PTH2R: variants seen among roughly 807,000 people sequenced by gnomAD.
PTH2R encodes parathyroid hormone 2 receptor.
Under a neutral mutation model 60.3 loss-of-function variants are expected in PTH2R, and 59 were observed. That is an observed-to-expected ratio of 0.98 (90% CI 0.79 to 1.22). PTH2R has a LOEUF of 1.22. Ranked by LOEUF, PTH2R falls within the 50% of genes most tolerant of loss-of-function variation. The probability of loss-of-function intolerance (pLI) is 0.00; values close to 1 mark genes in which losing one functional copy is unlikely to be tolerated. For synonymous variants in PTH2R, 256 were observed against 243.8 expected (o/e 1.05, Z -0.47); for missense variants, 749 against 682.6 (o/e 1.10, Z -1.08).
intron 8 of PTH2R, among the ~76,000 whole-genome samples, chr2:208,453,676 G>A (rs185224306): frequency 8.5e-5 from 13 of 152,128 alleles, no homozygotes; most frequent in African/African-American, 3.1e-4. Flanking sequence ...TTGAGTTAAT[G>A]CAAGTTGTGA....
chr2:208,368,504 C>A (rs922318647), intron 1 of PTH2R, among the ~76,000 whole-genome samples: 3 of 152,178 alleles, frequency 2.0e-5, no homozygotes, highest in Admixed American at 1.3e-4. Flanking sequence ...CTCAACTAAC[C>A]CTTAACTGTT....
At chr2:208,485,020 T>G (rs1245259604) in intron 10 of PTH2R, among the ~76,000 whole-genome samples, 1 of 152,126 alleles carries the variant, frequency 6.6e-6, no homozygotes. Context: ...ATAGATACTA[T>G]GATTGATTTA....
chr2:208,437,535 A>G lies in PTH2R; in HGVS notation c.179-2A>G. 1.3e-6 allele frequency: 2 copies of G among 1,588,688 alleles called. No homozygotes were observed. Among genetic ancestry groups the G allele is most frequent in the Non-Finnish European group, 1.7e-6 (2 of 1,169,552 alleles). ...TTTGCTTTAATTTTTTTTTCTCATTAGAAGGTAATTGTTTCCCTGAATGGG... is the reference window on the plus strand; with the variant it reads ...TTTGCTTTAATTTTTTTTTCTCATTGGAAGGTAATTGTTTCCCTGAATGGG... On this transcript the variant is annotated splice_acceptor_variant, in intron 2 of 12. Coordinates refer to ENST00000272847, the MANE Select transcript of PTH2R (RefSeq NM_005048.4). LOFTEE classifies it high-confidence loss of function.
chr2:208,444,495 A>AT (rs560306992), intron 6 of PTH2R, among the ~76,000 whole-genome samples: 29 of 152,248 alleles, frequency 1.9e-4, no homozygotes, highest in Non-Finnish European at 3.2e-4. Flanking sequence ...AGAAAAGGTG[A>AT]TTTTTTTGGT....
intron 1 of PTH2R, among the ~76,000 whole-genome samples, chr2:208,410,960 G>A (rs1701528860): frequency 6.6e-6 from 1 of 152,172 alleles, no homozygotes; most frequent in African/African-American, 2.4e-5. Flanking sequence ...TTAAGAATGA[G>A]GACAGCCGGG....
rs114910795 is a variant in PTH2R at position 208,475,438 on chromosome 2, C to A, written c.982-5632C>A. Among the ~76,000 whole-genome samples, 1,474 of 152,010 alleles carry A rather than the reference C, an allele frequency of 9.7e-3. 15 individuals are homozygous for A. The highest frequency in any genetic ancestry group is 0.014 in the Non-Finnish European group (976 of 67,946). On this transcript the variant is annotated intron_variant, in intron 9 of 12. Coordinates refer to ENST00000272847, the MANE Select transcript of PTH2R (RefSeq NM_005048.4). The stretch of plus-strand genomic sequence containing the variant: ...TAAAAAAACAAACACACCATAAAAC[C>A]TATTAGGGAATTAGGGTCTGGCACT...
At chr2:208,485,381 T>G (rs2105908870) in intron 10 of PTH2R, among the ~76,000 whole-genome samples, 1 of 152,270 alleles carries the variant, frequency 6.6e-6, no homozygotes, top group Middle Eastern at 3.4e-3. Context: ...TATCAGTTGG[T>G]ACATCCCTGA....
intron 11 of PTH2R, 47 bp from the exon 12 acceptor site, chr2:208,490,592 G>C (rs1333643812): frequency 3.8e-6 from 6 of 1,584,854 alleles, no homozygotes; most frequent in Non-Finnish European, 4.3e-6. Context: ...CTTAAGTGCT[G>C]TGAGTTTCTG....
At chr2:208,377,567 GACGGGGCGGC>G (rs1438210962) in intron 1 of PTH2R, among the ~76,000 whole-genome samples, 1 of 147,816 alleles carries the variant, frequency 6.8e-6, no homozygotes, top group Non-Finnish European at 1.5e-5. Flanking sequence ...CTGCCTCTGG[GACGGGGCGGC>G]TGGCCGGGCG....
At chr2:208,463,179 C>G (rs939329244) in intron 9 of PTH2R, among the ~76,000 whole-genome samples, 1 of 152,110 alleles carries the variant, frequency 6.6e-6, no homozygotes, top group African/African-American at 2.4e-5. Context: ...CTTCCTCCCC[C>G]ATCTCATGTC....
intron 9 of PTH2R, among the ~76,000 whole-genome samples, chr2:208,467,277 T>G (rs1317106814): frequency 6.6e-6 from 1 of 151,904 alleles, no homozygotes; most frequent in Non-Finnish European, 1.5e-5. Flanking sequence ...TTTCTTTTCT[T>G]TTTTTTCCCC....
chr2:208,487,308 G>A (rs1703294975), intron 10 of PTH2R, among the ~76,000 whole-genome samples: 1 of 152,144 alleles, frequency 6.6e-6, no homozygotes, highest in African/African-American at 2.4e-5. Context: ...TTAGTCTAGT[G>A]TGATCTGTAC....
intron 2 of PTH2R, among the ~76,000 whole-genome samples, chr2:208,434,670 A>T (rs887198326): frequency 6.6e-6 from 1 of 152,194 alleles, no homozygotes; most frequent in Non-Finnish European, 1.5e-5. Context: ...TCCAGGTCCA[A>T]TTTATGTAAT....
chr2:208,406,816 A>C lies in PTH2R; in HGVS notation c.-228A>C. The C allele has an allele frequency of 1.1e-5, 4 of 368,592 alleles. No individual in the cohort carries two copies. Among genetic ancestry groups the C allele is most frequent in the Non-Finnish European group, 1.4e-5 (3 of 207,022 alleles). The allele number at this position is 368,592 out of a possible 1,614,324, so 22.8% of individuals were successfully genotyped here. ...CAGGACTCGGGCCAGTCTCTCCGGA[A>C]GACAAGACCAACCTCGCGCCGCGGC... is the stretch of plus-strand genomic sequence containing the variant. On this transcript the variant is annotated 5_prime_UTR_variant, in exon 1 of 13. Coordinates refer to ENST00000272847, the MANE Select transcript of PTH2R (RefSeq NM_005048.4).
intron 10 of PTH2R, among the ~76,000 whole-genome samples, chr2:208,487,787 A>G (rs898283282): frequency 2.6e-5 from 4 of 152,178 alleles, no homozygotes; most frequent in Admixed American, 2.6e-4. Flanking sequence ...GGATTCAGTT[A>G]CTTGCTGGCT....
chr2:208,381,849 G>A (rs1234331228), intron 1 of PTH2R, among the ~76,000 whole-genome samples: 1 of 152,028 alleles, frequency 6.6e-6, no homozygotes, highest in Non-Finnish European at 1.5e-5. Flanking sequence ...AAGATAACAG[G>A]GACTTCAGTC....
intron 2 of PTH2R, among the ~76,000 whole-genome samples, chr2:208,435,247 C>G (rs1248205823): frequency 6.6e-6 from 1 of 152,096 alleles, no homozygotes; most frequent in East Asian, 1.9e-4. Context: ...TAACTGGTAA[C>G]TAAAAAATTG....
rs1408498617 is a variant in PTH2R, at chr2:208,373,900, C to T, written c.-259+13663C>T. On this transcript the variant is annotated intron_variant, in intron 1 of 12. Transcript: ENST00000617735. ...ATATATTCTATTCCAGAATATAATT[C>T]GCTTTTTTCCAAATGAAACTGGCAC... 5.9e-5 allele frequency among the ~76,000 whole-genome samples: 9 copies of T among 151,996 alleles called. No individual in the cohort carries two copies. In the East Asian group the frequency reaches 1.2e-3, roughly 20 times the overall value.
chr2:208,388,133 C>CCCG (rs1553540984), intron 1 of PTH2R, among the ~76,000 whole-genome samples: 6 of 874 alleles, frequency 6.9e-3, no homozygotes, highest in South Asian at 0.083. Context: ...CATGGTGAAA[C>CCCG]CCCCCCCCCC....
Sources: gnomAD v4.1 joint callset for allele counts (sites outside exome capture counted in the v4.1 genomes callset) on GRCh38, gnomAD v4.1.1 for gene constraint, MANE v1.5 for transcripts, NCBI Gene and HGNC (gene_info 2026-07-23, HGNC 2026-07-21) for gene names.